The following FABP12 variants were observed in gnomAD, a reference collection of about 807,000 sequenced individuals.
The protein encoded by FABP12 is fatty acid-binding protein 12.
FABP12 carries 19 observed loss-of-function variants against 13.7 expected under a neutral mutation model. That is an observed-to-expected ratio of 1.39 (90% CI 0.97 to 2.04). The LOEUF is 2.04. Ranked by LOEUF, FABP12 falls within the 30% of genes most tolerant of loss-of-function variation. FABP12 has a pLI of 0.00. For missense variants in FABP12, 182 were observed against 164.2 expected (o/e 1.11, Z -0.59); for synonymous variants, 61 against 57.0 (o/e 1.07, Z -0.32).
rs1563542460 is a variant in FABP12 at position 81,529,546 on chromosome 8, A to AT, written c.137dup (p.Asp46GlufsTer14). 6.2e-7 allele frequency: 1 copy of AT among 1,613,958 alleles called. No individual in the cohort carries two copies. The highest frequency in any genetic ancestry group is 1.1e-5 in the South Asian group (1 of 91,082). On this transcript the variant is annotated frameshift_variant, in exon 3 of 5. Coordinates refer to ENST00000360464, the Ensembl canonical transcript of FABP12. LOFTEE classifies it high-confidence loss of function. ...TGGTTTTTATTGTGATGACATCTCC[A>AT]TCTGTACTGATGGTCACAGTGGGTT...
At chr8:81,537,383 G>A (rs1279777812), upstream of FABP12, among the ~76,000 whole-genome samples, 1 of 152,112 alleles carries the variant, frequency 6.6e-6, no homozygotes, top group Non-Finnish European at 1.5e-5. Context: ...TTCAGAAATA[G>A]CCCTCAGTAG....
chr8:81,539,877 C>T (rs1397822947), intron 1 of FABP12, among the ~76,000 whole-genome samples: 1 of 152,214 alleles, frequency 6.6e-6, no homozygotes, highest in African/African-American at 2.4e-5. Flanking sequence ...CACCTGCTGC[C>T]TGAGCACTTG....
chr8:81,544,956 A>AT (rs1229421961), intron 1 of FABP12, among the ~76,000 whole-genome samples: 1 of 152,168 alleles, frequency 6.6e-6, no homozygotes, highest in East Asian at 1.9e-4. Context: ...CCAGGAAGAG[A>AT]TTTTATGGCC....
exon 2 of FABP12, chr8:81,531,254 A>T (rs770647540): frequency 6.2e-7 from 1 of 1,606,452 alleles, no homozygotes; most frequent in East Asian, 2.2e-5. Context: ...CAGCTCCTTC[A>T]TGTAGTCTTC....
In FABP12 at chr8:81,525,529, A is replaced by AATAGATAG. The variant is rs1554576047; in HGVS notation, c.349-417_349-410dup. Among the ~76,000 whole-genome samples, 26 of 150,070 alleles carry AATAGATAG rather than the reference A, an allele frequency of 1.7e-4. 1 individual carries two copies. Among genetic ancestry groups the AATAGATAG allele is most frequent in the African/African-American group, 4.5e-4 (18 of 40,010 alleles). ...AGACTCCGTCTCAAAAAAAAAAAAAAATAGATAGATAGATAGATAGATAGA... is the reference window on the plus strand; with the variant it reads ...AGACTCCGTCTCAAAAAAAAAAAAAAATAGATAGATAGATAGATAGATAGATAGATAGA... On this transcript the variant is annotated intron_variant, in intron 4 of 4. Coordinates refer to ENST00000360464, the Ensembl canonical transcript of FABP12.
At chr8:81,527,474 T>C (rs959153865) in intron 3 of FABP12, among the ~76,000 whole-genome samples, 2 of 152,154 alleles carry the variant, frequency 1.3e-5, no homozygotes, top group African/African-American at 4.8e-5. Context: ...GCAATTCTCC[T>C]GCCTCAGCCT....
chr8:81,541,469 A>AC (rs139304969), intron 1 of FABP12, among the ~76,000 whole-genome samples: 15,238 of 151,974 alleles, frequency 0.1, 806 homozygotes, highest in Non-Finnish European at 0.12. Context: ...TACTTTTGAG[A>AC]CCCCCACGCT....
chr8:81,533,662 T>C (rs1366142449), intron 1 of FABP12, among the ~76,000 whole-genome samples, 140 bp downstream of exon 1: 1 of 152,196 alleles, frequency 6.6e-6, no homozygotes, highest in Admixed American at 6.5e-5. Context: ...ACTGGTACAT[T>C]AAACATGCTC....
At chr8:81,546,489 T>C (rs1411084163) in intron 1 of FABP12, among the ~76,000 whole-genome samples, 2 of 129,256 alleles carry the variant, frequency 1.5e-5, no homozygotes, top group Non-Finnish European at 3.3e-5. Flanking sequence ...CCGTGTCTAC[T>C]AAAAATACAA....
chr8:81,562,804 T>A (rs975561718), intron 1 of FABP12, among the ~76,000 whole-genome samples: 1 of 152,206 alleles, frequency 6.6e-6, no homozygotes, highest in Admixed American at 6.5e-5. Flanking sequence ...AGGCCCTGGA[T>A]TCTAGATGGC....
intron 1 of FABP12, among the ~76,000 whole-genome samples, chr8:81,585,846 A>G (rs1810230691): frequency 6.6e-6 from 1 of 151,904 alleles, no homozygotes; most frequent in South Asian, 2.1e-4. Flanking sequence ...TCTTCTTTCC[A>G]ACTTTTATTT....
chr8:81,586,126 A>G (rs939618971), intron 1 of FABP12, among the ~76,000 whole-genome samples: 1 of 152,188 alleles, frequency 6.6e-6, no homozygotes, highest in Non-Finnish European at 1.5e-5. Context: ...TAATTCTCTT[A>G]GGATATTGGC....
chr8:81,566,982 C>A (rs960052620), intron 1 of FABP12, among the ~76,000 whole-genome samples: 22 of 151,978 alleles, frequency 1.4e-4, no homozygotes, highest in African/African-American at 4.8e-4. Context: ...AAATCAACAT[C>A]AAAAAACCAG....
At chr8:81,558,746 C>T (rs1391784740) in intron 1 of FABP12, among the ~76,000 whole-genome samples, 7 of 151,798 alleles carry the variant, frequency 4.6e-5, no homozygotes, top group Non-Finnish European at 8.8e-5. Context: ...AAAAATTATC[C>T]GGGCATGGTG....
intron 1 of FABP12, among the ~76,000 whole-genome samples, chr8:81,566,810 G>A (rs1485784879): frequency 6.6e-6 from 1 of 152,102 alleles, no homozygotes; most frequent in Admixed American, 6.5e-5. Flanking sequence ...CCTAGCTAGA[G>A]CAATCAGACG....
intron 1 of FABP12, among the ~76,000 whole-genome samples, chr8:81,541,405 T>C (rs1454604666): frequency 6.6e-6 from 1 of 152,138 alleles, no homozygotes; most frequent in Non-Finnish European, 1.5e-5. Context: ...TAACATTAGC[T>C]CAATCTTGTC....
intron 1 of FABP12, among the ~76,000 whole-genome samples, chr8:81,564,276 G>A (rs1327933880): frequency 6.6e-6 from 1 of 152,164 alleles, no homozygotes; most frequent in Non-Finnish European, 1.5e-5. Context: ...AAGAAATGCT[G>A]AAGGGAGTTC....
intron 1 of FABP12, among the ~76,000 whole-genome samples, chr8:81,568,129 C>CAAAA (rs751713921): frequency 2.0e-5 from 2 of 99,502 alleles, no homozygotes; most frequent in East Asian, 2.6e-4. Context: ...GACTCCGTCT[C>CAAAA]AAAAAAAAAA....
intron 1 of FABP12, among the ~76,000 whole-genome samples, chr8:81,557,674 T>C (rs1342992290): frequency 2.0e-5 from 3 of 152,244 alleles, no homozygotes; most frequent in Non-Finnish European, 2.9e-5. Context: ...AGGGAACTCC[T>C]AGCTGACACC....
Sources: gnomAD v4.1 joint callset for allele counts (sites outside exome capture counted in the v4.1 genomes callset) on GRCh38, gnomAD v4.1.1 for gene constraint, MANE v1.5 for transcripts, NCBI Gene and HGNC (gene_info 2026-07-23, HGNC 2026-07-21) for gene names.